Variants in RANBP2 observed in about 807,000 individuals in gnomAD.
RANBP2 encodes the protein E3 SUMO-protein ligase RanBP2.
RANBP2 carries 57 observed loss-of-function variants against 303.6 expected under a neutral mutation model. The ratio of observed to expected loss-of-function variants is 0.19; its 90% CI spans 0.15 to 0.23. RANBP2 has a LOEUF of 0.23. Ranked by LOEUF, RANBP2 falls within the 10% of genes least tolerant of loss-of-function variation. The probability of loss-of-function intolerance (pLI) is 1.00; values close to 1 mark genes in which losing one functional copy is unlikely to be tolerated. For missense variants in RANBP2, 3,138 were observed against 3,780.8 expected (o/e 0.83, Z 4.46); for synonymous variants, 1,167 against 1,301.5 (o/e 0.90, Z 2.23).
chr2:108,720,780 T>C (rs1217352931), intron 1 of RANBP2, among the ~76,000 whole-genome samples: 1 of 152,234 alleles, frequency 6.6e-6, no homozygotes, highest in African/African-American at 2.4e-5. Flanking sequence ...GCGCAGTGGC[T>C]CACGCCTGTA....
chr2:108,741,902 A>T (rs1180020769), intron 7 of RANBP2, among the ~76,000 whole-genome samples: 4 of 151,346 alleles, frequency 2.6e-5, no homozygotes, highest in African/African-American at 9.7e-5. Context: ...AACCACGCTT[A>T]GAAAAATGAT....
chr2:109,012,660 A>T, the RANBP2 span, among the ~76,000 whole-genome samples: 703 of 152,332 alleles, frequency 4.6e-3, 4 homozygotes, highest in African/African-American at 0.015. Flanking sequence ...CACGCCTGTA[A>T]TCCCAGCACT....
chr2:108,941,813 G>A, the RANBP2 span, among the ~76,000 whole-genome samples: 3 of 152,178 alleles, frequency 2.0e-5, no homozygotes, highest in East Asian at 1.9e-4. Context: ...CCCTCACTAC[G>A]CAAGGGCACT....
At chr2:108,981,294 C>T in the RANBP2 span, among the ~76,000 whole-genome samples, 2 of 152,194 alleles carry the variant, frequency 1.3e-5, no homozygotes, top group African/African-American at 4.8e-5. Flanking sequence ...TTTCCAGAGC[C>T]GCACCCGCCC....
At chr2:109,400,485 G>T in the RANBP2 span, among the ~76,000 whole-genome samples, 2 of 151,384 alleles carry the variant, frequency 1.3e-5, no homozygotes, top group African/African-American at 4.9e-5. Flanking sequence ...ACACACATGC[G>T]TACAGGTGCA....
chr2:108,961,354 C>T, the RANBP2 span, among the ~76,000 whole-genome samples: 1 of 152,154 alleles, frequency 6.6e-6, no homozygotes, highest in Non-Finnish European at 1.5e-5. Context: ...GGCTGACCTC[C>T]CCTCACTCAC....
the RANBP2 span, among the ~76,000 whole-genome samples, chr2:109,247,921 A>G: frequency 6.6e-6 from 1 of 152,210 alleles, no homozygotes; most frequent in Non-Finnish European, 1.5e-5. Flanking sequence ...CCAGTAAGCA[A>G]CAAGAAAAGG....
chr2:109,597,494 A>C, the RANBP2 span, among the ~76,000 whole-genome samples: 62 of 152,360 alleles, frequency 4.1e-4, no homozygotes, highest in African/African-American at 1.4e-3. Context: ...TCAGAGAAAC[A>C]TGAATGCACA....
At chr2:108,884,359 C>T in the RANBP2 span, 1 of 152,164 alleles carries the variant, frequency 6.6e-6, no homozygotes, top group Admixed American at 6.5e-5. Context: ...AGAATGGGAG[C>T]TAGCAGTGTA....
the RANBP2 span, among the ~76,000 whole-genome samples, chr2:109,603,240 ATTAT>A: frequency 6.6e-6 from 1 of 151,838 alleles, no homozygotes; most frequent in Non-Finnish European, 1.5e-5. Context: ...TATTAATATT[ATTAT>A]TTTTTTTTTT....
At chr2:108,724,569 C>A (rs1694538785) in intron 1 of RANBP2, among the ~76,000 whole-genome samples, 1 of 151,326 alleles carries the variant, frequency 6.6e-6, no homozygotes, top group Non-Finnish European at 1.5e-5. Flanking sequence ...CTGGAAGTGT[C>A]CTTTCAATTG....
chr2:109,237,145 G>T, the RANBP2 span, among the ~76,000 whole-genome samples: 19 of 152,188 alleles, frequency 1.2e-4, no homozygotes, highest in Admixed American at 6.5e-5. Context: ...TCACGGAATA[G>T]ATTTTAAAGA....
At chr2:109,113,847 G>T in the RANBP2 span, among the ~76,000 whole-genome samples, 1 of 152,168 alleles carries the variant, frequency 6.6e-6, no homozygotes, top group African/African-American at 2.4e-5. Flanking sequence ...AGCATGAAGA[G>T]TTGTTGAATT....
the RANBP2 span, among the ~76,000 whole-genome samples, chr2:109,568,860 C>G: frequency 6.6e-6 from 1 of 152,062 alleles, no homozygotes; most frequent in South Asian, 2.1e-4. Flanking sequence ...ACTGTATGTA[C>G]TACTATCTTA....
At chr2:109,624,638 G>A in the RANBP2 span, among the ~76,000 whole-genome samples, 1 of 152,214 alleles carries the variant, frequency 6.6e-6, no homozygotes, top group East Asian at 1.9e-4. Flanking sequence ...CAGAAAGGGA[G>A]TCATTAGTGC....
chr2:109,069,806 C>T, the RANBP2 span, among the ~76,000 whole-genome samples: 5 of 152,258 alleles, frequency 3.3e-5, no homozygotes, highest in East Asian at 9.7e-4. Context: ...TCTATTCCTT[C>T]AACAATTATT....
the RANBP2 span, among the ~76,000 whole-genome samples, chr2:109,532,667 G>A: frequency 2.0e-5 from 3 of 152,166 alleles, no homozygotes; most frequent in Non-Finnish European, 4.4e-5. Flanking sequence ...AAGGCCTCGG[G>A]AGAGAGAGCC....
chr2:108,820,560 G>A, the RANBP2 span, among the ~76,000 whole-genome samples: 1 of 152,040 alleles, frequency 6.6e-6, no homozygotes, highest in Admixed American at 6.6e-5. Context: ...ATTGTCAAAA[G>A]TAAAATACAA....
chr2:109,105,479 A>G, the RANBP2 span, among the ~76,000 whole-genome samples: 2 of 152,206 alleles, frequency 1.3e-5, no homozygotes, highest in South Asian at 4.1e-4. Context: ...GCACACTTGG[A>G]TCGCTTAGGT....
Sources: gnomAD v4.1 joint callset for allele counts (sites outside exome capture counted in the v4.1 genomes callset) on GRCh38, gnomAD v4.1.1 for gene constraint, MANE v1.5 for transcripts, NCBI Gene and HGNC (gene_info 2026-07-23, HGNC 2026-07-21) for gene names.